The following RASEF variants were observed in gnomAD, a reference collection of about 807,000 sequenced individuals.
RASEF encodes ras and EF-hand domain-containing protein.
RASEF carries 68 observed loss-of-function variants against 90.1 expected under a neutral mutation model. That is an observed-to-expected ratio of 0.75 (90% CI 0.62 to 0.92). The LOEUF (loss-of-function observed/expected upper bound fraction) is 0.92, where lower values mean the gene tolerates loss of function less well. RASEF is among the 40% of genes least tolerant of loss of function. The pLI is 0.00. For synonymous variants in RASEF, 331 were observed against 345.2 expected (o/e 0.96, Z 0.46); for missense variants, 949 against 937.2 (o/e 1.01, Z -0.16).
chr9:82,996,124 CACT>C (rs1828914864), intron 14 of RASEF, among the ~76,000 whole-genome samples: 1 of 152,160 alleles, frequency 6.6e-6, no homozygotes, highest in African/African-American at 2.4e-5. Flanking sequence ...TCATTTCTCA[CACT>C]ACTTCTTTAG....
At chr9:83,053,014 T>C (rs1175387532) in intron 1 of RASEF, among the ~76,000 whole-genome samples, 2 of 105,418 alleles carry the variant, frequency 1.9e-5, no homozygotes, top group Non-Finnish European at 3.6e-5. Flanking sequence ...AAAAAATGTA[T>C]ATTCTGTTGA....
chr9:83,217,474 G>A, the RASEF span, among the ~76,000 whole-genome samples: 1 of 152,104 alleles, frequency 6.6e-6, no homozygotes, highest in Non-Finnish European at 1.5e-5. Context: ...CCCACGTCAT[G>A]GGAGGGACCC....
chr9:82,981,697 C>G lies in RASEF; in HGVS notation c.*980G>C, dbSNP rs1297999872. On this transcript the variant is annotated 3_prime_UTR_variant, in exon 17 of 17. Transcript: ENST00000376447. The stretch of plus-strand genomic sequence containing the variant: ...TCAAACAGTTATACAACTATCACCA[C>G]TATTCCAATTCCAGAACATTCTCAT... The G allele has an allele frequency of 2.0e-5, 3 of 152,186 alleles. No homozygotes were observed. The highest frequency in any genetic ancestry group is 6.5e-5 in the Admixed American group (1 of 15,290). The allele number at this position is 152,186 out of a possible 1,614,324, so 9.4% of individuals were successfully genotyped here.
At position 83,027,286 on chromosome 9, in the gene RASEF, C is replaced by T. The variant is rs1829565201; in HGVS notation, c.432-1365G>A. Among the ~76,000 whole-genome samples the T allele has an allele frequency of 2.0e-5, 3 of 152,130 alleles. No individual in the cohort carries two copies. The South Asian group carries it at 6.2e-4, about 32-fold the overall frequency. ...CAGACATGAGAGATTACATCACTGG[C>T]CAATGGTGATTACCTCAATCTTCAG... On this transcript the variant is annotated intron_variant, in intron 1 of 16. Transcript: ENST00000376447.
At chr9:83,190,442 C>T in the RASEF span, among the ~76,000 whole-genome samples, 1 of 152,248 alleles carries the variant, frequency 6.6e-6, no homozygotes, top group Non-Finnish European at 1.5e-5. Flanking sequence ...AACAAGAAAA[C>T]ATCTGTTCTT....
chr9:83,123,237 C>CAAAAAA, the RASEF span, among the ~76,000 whole-genome samples: 6 of 83,388 alleles, frequency 7.2e-5, no homozygotes, highest in Non-Finnish European at 9.5e-5. Flanking sequence ...GAGACTCCAT[C>CAAAAAA]AAAAAAAAAA....
At chr9:83,170,062 T>A in the RASEF span, among the ~76,000 whole-genome samples, 1 of 152,118 alleles carries the variant, frequency 6.6e-6, no homozygotes, top group Admixed American at 6.6e-5. Context: ...TAGCTTCAGG[T>A]CTTACATTTA....
At chr9:83,176,259 T>C in the RASEF span, among the ~76,000 whole-genome samples, 2 of 152,224 alleles carry the variant, frequency 1.3e-5, no homozygotes, top group Non-Finnish European at 2.9e-5. Flanking sequence ...TCTTGCTGTC[T>C]ACTAATGTTT....
the RASEF span, among the ~76,000 whole-genome samples, chr9:83,152,502 T>A: frequency 2.4e-4 from 36 of 152,230 alleles, no homozygotes; most frequent in Middle Eastern, 0.01. Flanking sequence ...ACACATCTTC[T>A]CCCTCCCAAG....
At chr9:82,998,325 C>T (rs530352018) in intron 13 of RASEF, 40 bp downstream of exon 13, 52 of 1,356,530 alleles carry the variant, frequency 3.8e-5, no homozygotes, top group Admixed American at 2.9e-4. Flanking sequence ...CTTGTTAATG[C>T]AAACCCAGGA....
At chr9:83,207,219 G>A in the RASEF span, among the ~76,000 whole-genome samples, 6 of 150,388 alleles carry the variant, frequency 4.0e-5, no homozygotes, top group East Asian at 1.2e-3. Context: ...TGCTCCAAGA[G>A]AGGCTATCAC....
At chr9:83,180,273 A>C in the RASEF span, among the ~76,000 whole-genome samples, 2 of 152,162 alleles carry the variant, frequency 1.3e-5, no homozygotes, top group Non-Finnish European at 2.9e-5. Context: ...ATTACCCTGC[A>C]TCTTGGAATC....
chr9:83,197,359 C>T, the RASEF span, among the ~76,000 whole-genome samples: 3 of 152,090 alleles, frequency 2.0e-5, no homozygotes, highest in African/African-American at 4.8e-5. Context: ...GGAACAACAA[C>T]GTAGGCTATG....
chr9:83,075,038 T>A, the RASEF span, among the ~76,000 whole-genome samples: 1 of 152,346 alleles, frequency 6.6e-6, no homozygotes, highest in Admixed American at 6.5e-5. Flanking sequence ...CATAACCTTA[T>A]GCAATTTTGT....
At chr9:83,172,183 T>C in the RASEF span, among the ~76,000 whole-genome samples, 18 of 151,728 alleles carry the variant, frequency 1.2e-4, no homozygotes, top group Admixed American at 1.2e-3. Flanking sequence ...TTCAGGAGCA[T>C]GTTACTTTCT....
chr9:83,018,290 A>G (rs1489932111), intron 3 of RASEF, among the ~76,000 whole-genome samples: 1 of 152,192 alleles, frequency 6.6e-6, no homozygotes, highest in East Asian at 1.9e-4. Context: ...AGAATACGAG[A>G]CCAATCTCAA....
At chr9:83,154,580 G>A in the RASEF span, among the ~76,000 whole-genome samples, 2 of 152,090 alleles carry the variant, frequency 1.3e-5, no homozygotes, top group Non-Finnish European at 2.9e-5. Context: ...GCACCTGATG[G>A]CCTTTGAAAC....
At chr9:83,207,764 C>T in the RASEF span, among the ~76,000 whole-genome samples, 2 of 152,150 alleles carry the variant, frequency 1.3e-5, no homozygotes, top group Non-Finnish European at 2.9e-5. Flanking sequence ...TGTGCCCCCA[C>T]ACTCGGCTAA....
intron 14 of RASEF, among the ~76,000 whole-genome samples, chr9:82,994,226 G>A (rs1441424593): frequency 2.0e-5 from 3 of 152,086 alleles, no homozygotes; most frequent in East Asian, 1.9e-4. Context: ...TAGCTGTTTC[G>A]CTCATTAATG....
Sources: allele counts gnomAD v4.1 joint callset (sites outside exome capture counted in the v4.1 genomes callset), GRCh38; gene constraint gnomAD v4.1.1; transcripts MANE v1.5; gene names NCBI Gene and HGNC (gene_info 2026-07-23, HGNC 2026-07-21).